DPP6: variants seen among roughly 807,000 people sequenced by gnomAD.
DPP6 encodes the protein A-type potassium channel modulatory protein DPP6.
Under a neutral mutation model 122.6 loss-of-function variants are expected in DPP6, and 69 were observed. The ratio of observed to expected loss-of-function variants is 0.56; its 90% CI spans 0.46 to 0.69. DPP6 has a LOEUF of 0.69. DPP6 is among the 30% of genes least tolerant of loss of function. The pLI, the probability that DPP6 is intolerant of heterozygous loss-of-function variation, is 0.00. For missense variants in DPP6, 928 were observed against 1,116.9 expected (o/e 0.83, Z 2.41); for synonymous variants, 418 against 433.1 (o/e 0.97, Z 0.43).
At chr7:154,717,067 G>A (rs755391986) in intron 7 of DPP6, among the ~76,000 whole-genome samples, 13 of 152,098 alleles carry the variant, frequency 8.5e-5, no homozygotes, top group Non-Finnish European at 1.5e-4. Context: ...TCCTGACCTC[G>A]TGATCTGCCC....
intron 5 of DPP6, among the ~76,000 whole-genome samples, chr7:154,594,910 C>T (rs11760497): frequency 0.59 from 90,033 of 151,954 alleles, 27,141 homozygotes; most frequent in African/African-American, 0.7. Context: ...GCGGATTGTT[C>T]TGACCTGGCT....
intron 3 of DPP6, among the ~76,000 whole-genome samples, chr7:154,518,413 G>T (rs868713871): frequency 1.6e-4 from 25 of 152,102 alleles, no homozygotes; most frequent in Non-Finnish European, 2.5e-4. Context: ...TGGGTACATA[G>T]AAAAAATTTG....
At chr7:154,221,145 ATTG>A (rs989057520) in intron 1 of DPP6, among the ~76,000 whole-genome samples, 3 of 151,814 alleles carry the variant, frequency 2.0e-5, no homozygotes, top group African/African-American at 7.3e-5. Context: ...GTTTCCTTTT[ATTG>A]TTATTGTTTT....
In DPP6 at chr7:154,502,470, C is replaced by T. The variant is rs529491534; in HGVS notation, c.457+27433C>T. Among the ~76,000 whole-genome samples, 24 of 152,184 alleles carry T rather than the reference C, an allele frequency of 1.6e-4. 1 individual carries two copies. In the East Asian group the frequency reaches 3.1e-3, roughly 20 times the overall value. On this transcript the variant is annotated intron_variant, in intron 3 of 25. Transcript: ENST00000377770. ...GAATTATGGGGGTGGGTCTTTCCTG[C>T]GCTGTTCTAGTGATAGCAAATAAGT...
chr7:154,559,273 GAAA>G (rs201775434), intron 4 of DPP6, among the ~76,000 whole-genome samples: 7 of 49,072 alleles, frequency 1.4e-4, no homozygotes, highest in Admixed American at 1.4e-3. Flanking sequence ...TACCACAGAA[GAAA>G]AAAAAAAAAC....
At chr7:154,646,610 G>A (rs1320680454) in intron 6 of DPP6, among the ~76,000 whole-genome samples, 1 of 152,112 alleles carries the variant, frequency 6.6e-6, no homozygotes, top group Non-Finnish European at 1.5e-5. Context: ...CATTGTTGTA[G>A]ATAGAATTTT....
chr7:154,381,867 C>T (rs752957828), intron 1 of DPP6, among the ~76,000 whole-genome samples: 46 of 152,152 alleles, frequency 3.0e-4, no homozygotes, highest in Non-Finnish European at 5.3e-4. Flanking sequence ...TGGGCCGGGC[C>T]CTTCAAAAAC....
chr7:154,809,468 A>T (rs73500297), intron 16 of DPP6, among the ~76,000 whole-genome samples: 4,198 of 152,258 alleles, frequency 0.028, 194 homozygotes, highest in African/African-American at 0.096. Context: ...CCTTGAAGTA[A>T]TCTTTTGTTA....
At position 153,992,587 on chromosome 7, in the gene DPP6, C is replaced by T. The variant is rs1490575857; in HGVS notation, c.51+104853C>T. ...CTGTTCTCCTCTCCAGCATCTAATC[C>T]GTCCTACCCACTGCCATCAGATCAC... On this transcript the variant is annotated intron_variant, in intron 1 of 25. Coordinates refer to the DPP6 transcript ENST00000404039. Among the ~76,000 whole-genome samples, 8 of 152,342 alleles carry T rather than the reference C, an allele frequency of 5.3e-5. No individual in the cohort carries two copies. In the South Asian group the frequency reaches 6.2e-4, roughly 12 times the overall value.
chr7:154,461,112 C>T (rs1319300860), intron 2 of DPP6, among the ~76,000 whole-genome samples: 5 of 151,808 alleles, frequency 3.3e-5, no homozygotes. Context: ...GTATGTCTTT[C>T]TGTGCCAAGT....
At chr7:154,121,665 T>C (rs1807476658) in intron 1 of DPP6, among the ~76,000 whole-genome samples, 1 of 152,228 alleles carries the variant, frequency 6.6e-6, no homozygotes, top group African/African-American at 2.4e-5. Flanking sequence ...TTCAACCTTT[T>C]AAAAATTATG....
At chr7:153,830,465 T>C in the DPP6 span, among the ~76,000 whole-genome samples, 1 of 152,236 alleles carries the variant, frequency 6.6e-6, no homozygotes, top group Non-Finnish European at 1.5e-5. Context: ...ATTAATGGTC[T>C]TAAGAATTTT....
At chr7:154,094,347 A>G (rs1805160388) in intron 1 of DPP6, 2 of 152,410 alleles carry the variant, frequency 1.3e-5, no homozygotes, top group Non-Finnish European at 2.9e-5. Flanking sequence ...TTGAGTTCTT[A>G]GGGAAGAGTG....
At chr7:154,564,751 T>C (rs1174694019) in intron 4 of DPP6, among the ~76,000 whole-genome samples, 1 of 152,236 alleles carries the variant, frequency 6.6e-6, no homozygotes, top group Non-Finnish European at 1.5e-5. Context: ...AAAGTGTACC[T>C]GTGAGCCCCA....
At chr7:154,312,681 T>C (rs7788873) in intron 1 of DPP6, among the ~76,000 whole-genome samples, 37,333 of 152,022 alleles carry the variant, frequency 0.25, 5,494 homozygotes, top group African/African-American at 0.42. Flanking sequence ...AACACCGTGG[T>C]GATGGCGGGG....
At chr7:154,256,122 C>G (rs1246101134) in intron 1 of DPP6, among the ~76,000 whole-genome samples, 4 of 152,150 alleles carry the variant, frequency 2.6e-5, no homozygotes, top group African/African-American at 9.7e-5. Context: ...CCACTGTAGA[C>G]TCGAACATGA....
At chr7:153,910,293 A>C (rs1429094248) in intron 1 of DPP6, among the ~76,000 whole-genome samples, 1 of 146,168 alleles carries the variant, frequency 6.8e-6, no homozygotes, top group Non-Finnish European at 1.5e-5. Context: ...GCAGTGGTGC[A>C]ATCTCGGCTC....
At chr7:154,846,713 C>G (rs1584879913) in intron 16 of DPP6, among the ~76,000 whole-genome samples, 1 of 152,178 alleles carries the variant, frequency 6.6e-6, no homozygotes. Flanking sequence ...ACCTAAATAT[C>G]CACCAGTAGA....
In DPP6 at chr7:154,241,190, T is replaced by C. The variant is rs962010759; in HGVS notation, c.243+188127T>C. ...GTAGGTAATTCAATATCAATATGTG[T>C]GTGTGTGTGTGTGTGTGTGTGTGTG... On this transcript the variant is annotated intron_variant, in intron 1 of 25. Transcript: ENST00000377770. The surrounding 1 kb of genome is among the most constrained non-coding windows in gnomAD (Gnocchi z 9.0). Among the ~76,000 whole-genome samples the C allele has an allele frequency of 3.8e-3, 560 of 146,646 alleles. 4 individuals are homozygous for C. The highest frequency in any genetic ancestry group is 0.014 in the African/African-American group (513 of 37,182).
Sources: gnomAD v4.1 joint callset for allele counts (sites outside exome capture counted in the v4.1 genomes callset) on GRCh38, gnomAD v4.1.1 for gene constraint, Gnocchi (gnomAD v3.1) non-coding constraint, MANE v1.5 for transcripts, NCBI Gene and HGNC (gene_info 2026-07-23, HGNC 2026-07-21) for gene names.